Variants in DERA observed in about 807,000 individuals in gnomAD.
The protein encoded by DERA is deoxyribose-phosphate aldolase, also known as 2-deoxy-D-ribose 5-phosphate aldolase.
A neutral mutation model predicts 41.1 loss-of-function variants in DERA; 15 were observed. The observed-to-expected ratio is 0.37, with a 90% CI of 0.24 to 0.56. The LOEUF is 0.56. DERA is among the 20% of genes least tolerant of loss of function. The probability of loss-of-function intolerance (pLI) is 0.81; values close to 1 mark genes in which losing one functional copy is unlikely to be tolerated. For missense variants in DERA, 396 were observed against 403.4 expected, an observed-to-expected ratio of 0.98 and a Z score of 0.16; for synonymous variants, 139 against 137.4, an observed-to-expected ratio of 1.01 and a Z score of -0.08.
chr12:15,968,061 T>G (rs1948635359), intron 5 of DERA, among the ~76,000 whole-genome samples: 1 of 151,264 alleles, frequency 6.6e-6, no homozygotes, highest in African/African-American at 2.4e-5. Flanking sequence ...TAAGAAGTAC[T>G]AACTCAGGAC....
Position 15,954,900 on chromosome 12 carries a change from T to G in DERA, c.32-2036T>G, listed in dbSNP as rs1364766090. ...ATCACGGTCAACAATTAGTTGGCAGTGAGTCTTGGAGTTCACATACTCTTC... is the reference window on the plus strand; with the variant it reads ...ATCACGGTCAACAATTAGTTGGCAGGGAGTCTTGGAGTTCACATACTCTTC... On this transcript the variant is annotated intron_variant, in intron 1 of 8. Coordinates refer to ENST00000428559, the MANE Select transcript of DERA (RefSeq NM_015954.4). This position sits in a 1 kb window ranked among gnomAD's most constrained non-coding sequence, Gnocchi z 4.0. Among the ~76,000 whole-genome samples the G allele has an allele frequency of 6.6e-6, 1 of 152,090 alleles. No homozygotes were observed. Among genetic ancestry groups the G allele is most frequent in the Non-Finnish European group, 1.5e-5 (1 of 68,032 alleles).
intron 4 of DERA, among the ~76,000 whole-genome samples, chr12:15,961,159 C>T (rs944121530): frequency 2.6e-5 from 4 of 152,140 alleles, no homozygotes; most frequent in African/African-American, 9.7e-5. Context: ...ACAGTACATG[C>T]AGGACCTGAT....
chr12:15,945,934 G>A (rs1419856313), intron 1 of DERA, among the ~76,000 whole-genome samples: 1 of 152,124 alleles, frequency 6.6e-6, no homozygotes, highest in Admixed American at 6.5e-5. Flanking sequence ...AGAATTTTTA[G>A]CAAGAAGGGC....
chr12:15,991,161 G>A (rs1948799545), intron 6 of DERA, among the ~76,000 whole-genome samples: 1 of 152,150 alleles, frequency 6.6e-6, no homozygotes, highest in African/African-American at 2.4e-5. Flanking sequence ...TGATTGGTGT[G>A]AGATGGTATC....
At chr12:15,937,975 C>G (rs1011405943) in intron 1 of DERA, among the ~76,000 whole-genome samples, 7 of 152,156 alleles carry the variant, frequency 4.6e-5, no homozygotes. Context: ...TAGTCTGAAT[C>G]CCTTTGTTTT....
rs1319354147 is a variant in DERA at position 16,026,254 on chromosome 12, T to G, written c.638-6288T>G. On this transcript the variant is annotated intron_variant, in intron 6 of 8. Coordinates refer to ENST00000428559, the MANE Select transcript of DERA (RefSeq NM_015954.4). The surrounding 1 kb of genome is among the most constrained non-coding windows in gnomAD (Gnocchi z 4.4). Reference sequence around the variant, plus strand: ...TTTTTAAATATCCTAAAAGCTACTTTTTTTTTTCTCCCCCCGTAAGATTGG... The same window carrying G: ...TTTTTAAATATCCTAAAAGCTACTTGTTTTTTTCTCCCCCCGTAAGATTGG... Among the ~76,000 whole-genome samples the G allele has an allele frequency of 1.3e-5, 2 of 151,702 alleles. No homozygotes were observed. The highest frequency in any genetic ancestry group is 2.9e-5 in the Non-Finnish European group (2 of 67,840).
At chr12:15,964,444 A>G (rs1160256144) in intron 5 of DERA, among the ~76,000 whole-genome samples, 1 of 152,104 alleles carries the variant, frequency 6.6e-6, no homozygotes, top group Non-Finnish European at 1.5e-5. Context: ...GTTCACAAAT[A>G]TCTTTTTGTA....
At position 15,965,322 on chromosome 12, in the gene DERA, TG is replaced by T. The variant is rs1174771647; in HGVS notation, c.508+2376del. ...TTTATTTTTTAAGTTCTGGGGTACA[TG>T]TGCAGAATGTGCAGGTTTGTTGCAT... On this transcript the variant is annotated intron_variant, in intron 5 of 8. Coordinates refer to ENST00000428559, the MANE Select transcript of DERA (RefSeq NM_015954.4). This position sits in a 1 kb window ranked among gnomAD's most constrained non-coding sequence, Gnocchi z 4.1. Among the ~76,000 whole-genome samples the T allele has an allele frequency of 4.6e-5, 7 of 152,190 alleles. No homozygotes were observed. The highest frequency in any genetic ancestry group is 1.4e-4 in the African/African-American group (6 of 41,458).
Position 15,938,674 on chromosome 12 carries a change from A to C in DERA, c.32-18262A>C, listed in dbSNP as rs994464046. 3.3e-5 allele frequency among the ~76,000 whole-genome samples: 5 copies of C among 152,222 alleles called. No homozygotes were observed. The highest frequency in any genetic ancestry group is 7.3e-5 in the Non-Finnish European group (5 of 68,044). On this transcript the variant is annotated intron_variant, in intron 1 of 8. Transcript: ENST00000428559. This position sits in a 1 kb window ranked among gnomAD's most constrained non-coding sequence, Gnocchi z 4.1. ...CATTCTATAAATGGAGGATATTTTC[A>C]ATTCACATTTTTTAATTGAAATGTG...
intron 1 of DERA, among the ~76,000 whole-genome samples, chr12:15,950,452 C>A (rs1177184550): frequency 6.6e-6 from 1 of 152,164 alleles, no homozygotes; most frequent in Non-Finnish European, 1.5e-5. Flanking sequence ...TTCTTTACTG[C>A]AACCTGTTTT....
In DERA at chr12:16,023,934, CAG is replaced by C. The variant is rs758637811; in HGVS notation, c.638-8602_638-8601del. On this transcript the variant is annotated intron_variant, in intron 6 of 8. Transcript: ENST00000428559. Reference sequence around the variant, plus strand: ...CATGAAAAAAGATGCATAATAGAATCAGAGAGATGGAAACTAAGTAAGAATTG... The same window carrying C: ...CATGAAAAAAGATGCATAATAGAATCAGAGATGGAAACTAAGTAAGAATTG... Among the ~76,000 whole-genome samples, 16 of 152,072 alleles carry C rather than the reference CAG, an allele frequency of 1.1e-4. 1 individual carries two copies. Among genetic ancestry groups the C allele is most frequent in the African/African-American group, 1.9e-4 (8 of 41,478 alleles).
rs1301488238 is a variant in DERA, at chr12:16,011,925, A to G, written c.638-20617A>G. 6.6e-6 allele frequency among the ~76,000 whole-genome samples: 1 copy of G among 152,168 alleles called. No individual in the cohort carries two copies. Among genetic ancestry groups the G allele is most frequent in the East Asian group, 1.9e-4 (1 of 5,196 alleles). ...AGTCTCATTTTTTTTCTTCTCAGCA[A>G]TGCCACTGGCTCTCTAAAAAACAGA... On this transcript the variant is annotated intron_variant, in intron 6 of 8. Coordinates refer to ENST00000428559, the MANE Select transcript of DERA (RefSeq NM_015954.4). This position sits in a 1 kb window ranked among gnomAD's most constrained non-coding sequence, Gnocchi z 4.7.
rs1338695886 is a variant in DERA at position 15,965,163 on chromosome 12, G to A, written c.508+2216G>A. 1.3e-5 allele frequency among the ~76,000 whole-genome samples: 2 copies of A among 152,092 alleles called. No individual in the cohort carries two copies. The highest frequency in any genetic ancestry group is 4.8e-5 in the African/African-American group (2 of 41,402). On this transcript the variant is annotated intron_variant, in intron 5 of 8. Coordinates refer to ENST00000428559, the MANE Select transcript of DERA (RefSeq NM_015954.4). The surrounding 1 kb of genome is among the most constrained non-coding windows in gnomAD (Gnocchi z 4.1). The stretch of plus-strand genomic sequence containing the variant: ...TAATATTAGCTGTTTATTAAAATAT[G>A]AGCATAAAATAATTTCTTGGAATTT...
Position 16,032,762 on chromosome 12 carries a change from C to T in DERA, c.750+108C>T, listed in dbSNP as rs1417499664. 1.7e-5 allele frequency: 12 copies of T among 715,866 alleles called. No homozygotes were observed. In the East Asian group the frequency reaches 3.1e-4, roughly 18 times the overall value. 44.3% of individuals were successfully genotyped at this position (715,866 alleles called of 1,614,324 possible). On this transcript the variant is annotated intron_variant, in intron 7 of 8. Coordinates refer to ENST00000428559, the MANE Select transcript of DERA (RefSeq NM_015954.4). Reference sequence around the variant, plus strand: ...ATATGGAGAAGTTGTGAATGAATTACCTTTATTAAGATAAATGTTTAATTT... The same window carrying T: ...ATATGGAGAAGTTGTGAATGAATTATCTTTATTAAGATAAATGTTTAATTT...
rs1948566373 is a variant in DERA at position 15,959,421 on chromosome 12, A to G, written c.278-408A>G. Reference sequence around the variant, plus strand: ...TTTGTGGTACCACCCTCTAAATTGTACTTATATTTGTCTTCATCTGTCCTT... The same window carrying G: ...TTTGTGGTACCACCCTCTAAATTGTGCTTATATTTGTCTTCATCTGTCCTT... On this transcript the variant is annotated intron_variant, in intron 3 of 8. Coordinates refer to ENST00000428559, the MANE Select transcript of DERA (RefSeq NM_015954.4). The surrounding 1 kb of genome is among the most constrained non-coding windows in gnomAD (Gnocchi z 4.5). Among the ~76,000 whole-genome samples the G allele has an allele frequency of 6.6e-6, 1 of 152,194 alleles. No individual in the cohort carries two copies. The highest frequency in any genetic ancestry group is 1.5e-5 in the Non-Finnish European group (1 of 68,024).
rs1949004556 is a variant in DERA, at chr12:16,019,460, A to C, written c.638-13082A>C. On this transcript the variant is annotated intron_variant, in intron 6 of 8. Transcript: ENST00000428559. This position sits in a 1 kb window ranked among gnomAD's most constrained non-coding sequence, Gnocchi z 4.4. ...ACAGAGCCCAATGTCTGTGGGTTCAAAGCTCTCTATAATATTTTCCTAAGG... is the reference window on the plus strand; with the variant it reads ...ACAGAGCCCAATGTCTGTGGGTTCACAGCTCTCTATAATATTTTCCTAAGG... 6.6e-6 allele frequency among the ~76,000 whole-genome samples: 1 copy of C among 152,234 alleles called. No individual in the cohort carries two copies. Among genetic ancestry groups the C allele is most frequent in the Admixed American group, 6.5e-5 (1 of 15,286 alleles).
chr12:16,027,664 G>A, intron 6 of DERA, among the ~76,000 whole-genome samples: 1 of 152,182 alleles, frequency 6.6e-6, no homozygotes, highest in Non-Finnish European at 1.5e-5. Context: ...TGGCTCTGCT[G>A]ACACTTTTAT....
Position 15,984,852 on chromosome 12 carries a change from A to T in DERA, c.637+2416A>T, listed in dbSNP as rs1168471632. ...CTTTGATGAACTTGAAATATTTTGA[A>T]ATATTTTTTATATTCTTGTCCCAAT... is the stretch of plus-strand genomic sequence containing the variant. On this transcript the variant is annotated intron_variant, in intron 6 of 8. Transcript: ENST00000428559. This position sits in a 1 kb window ranked among gnomAD's most constrained non-coding sequence, Gnocchi z 4.5. Among the ~76,000 whole-genome samples the T allele has an allele frequency of 1.3e-5, 2 of 152,236 alleles. No individual in the cohort carries two copies. The highest frequency in any genetic ancestry group is 2.9e-5 in the Non-Finnish European group (2 of 68,044).
chr12:15,917,138 T>G (rs571515455), intron 1 of DERA, among the ~76,000 whole-genome samples: 1 of 152,288 alleles, frequency 6.6e-6, no homozygotes, highest in African/African-American at 2.4e-5. Flanking sequence ...AGTCCCCATA[T>G]TTCTTTTATT....
Sources: gnomAD v4.1 joint callset for allele counts (sites outside exome capture counted in the v4.1 genomes callset) on GRCh38, gnomAD v4.1.1 for gene constraint, Gnocchi (gnomAD v3.1) non-coding constraint, MANE v1.5 for transcripts, NCBI Gene and HGNC (gene_info 2026-07-23, HGNC 2026-07-21) for gene names.